KCNMB2: variants seen among roughly 807,000 people sequenced by gnomAD.
The protein encoded by KCNMB2 is calcium-activated potassium channel subunit beta-2.
A neutral mutation model predicts 24.5 loss-of-function variants in KCNMB2; 9 were observed. The ratio of observed to expected loss-of-function variants is 0.37; its 90% CI spans 0.22 to 0.64. The LOEUF (loss-of-function observed/expected upper bound fraction) is 0.64. Ranked by LOEUF, KCNMB2 falls within the 30% of genes least tolerant of loss-of-function variation. The pLI is 0.63. For missense variants in KCNMB2, 226 were observed against 284.3 expected, an observed-to-expected ratio of 0.79 and a Z score of 1.47; for synonymous variants, 109 against 104.4, an observed-to-expected ratio of 1.04 and a Z score of -0.27.
At chr3:178,642,086 A>G (rs1220734805) in intron 1 of KCNMB2, among the ~76,000 whole-genome samples, 1 of 152,176 alleles carries the variant, frequency 6.6e-6, no homozygotes. Flanking sequence ...ACAGCAGTTT[A>G]TTCTAAGTAT....
chr3:178,818,286 G>A (rs1344845294), intron 2 of KCNMB2, among the ~76,000 whole-genome samples: 3 of 152,134 alleles, frequency 2.0e-5, no homozygotes, highest in Non-Finnish European at 4.4e-5. Context: ...TTGTTCTTAA[G>A]TTCTGGGGTA....
intron 1 of KCNMB2, among the ~76,000 whole-genome samples, chr3:178,708,511 G>A (rs1169216022): frequency 1.3e-5 from 2 of 152,090 alleles, no homozygotes; most frequent in African/African-American, 4.8e-5. Context: ...AGCTATACAG[G>A]TAGTCTGATG....
intron 1 of KCNMB2, among the ~76,000 whole-genome samples, chr3:178,742,162 G>A (rs919015069): frequency 1.3e-5 from 2 of 152,212 alleles, no homozygotes; most frequent in Non-Finnish European, 2.9e-5. Flanking sequence ...ATTTCATGGA[G>A]TAGAGCCATT....
chr3:178,571,777 TG>T, intron 1 of KCNMB2, among the ~76,000 whole-genome samples: 1 of 152,044 alleles, frequency 6.6e-6, no homozygotes, highest in Non-Finnish European at 1.5e-5. Flanking sequence ...AATGAGAACA[TG>T]CGGTGTTTGG....
At chr3:178,672,179 A>C (rs1560159142) in intron 1 of KCNMB2, among the ~76,000 whole-genome samples, 1 of 152,164 alleles carries the variant, frequency 6.6e-6, no homozygotes, top group Non-Finnish European at 1.5e-5. Flanking sequence ...TCAGTATTTA[A>C]AATTTATAAA....
intron 1 of KCNMB2, among the ~76,000 whole-genome samples, chr3:178,786,280 C>T (rs995722195): frequency 2.0e-5 from 3 of 152,116 alleles, no homozygotes; most frequent in Non-Finnish European, 4.4e-5. Context: ...AGAATAGGTC[C>T]AGTGAACCAT....
intron 1 of KCNMB2, among the ~76,000 whole-genome samples, chr3:178,621,901 T>C (rs956678038): frequency 3.3e-5 from 5 of 152,168 alleles, no homozygotes; most frequent in African/African-American, 4.8e-5. Context: ...TAATTTGATG[T>C]AGTGATTATT....
chr3:178,729,873 G>A (rs553474365), intron 1 of KCNMB2, among the ~76,000 whole-genome samples: 189 of 152,214 alleles, frequency 1.2e-3, no homozygotes, highest in African/African-American at 4.3e-3. Context: ...TAAACAAATC[G>A]TCTAAGTTGA....
At chr3:178,661,911 C>A (rs960143867) in intron 1 of KCNMB2, among the ~76,000 whole-genome samples, 2 of 152,108 alleles carry the variant, frequency 1.3e-5, no homozygotes, top group Admixed American at 6.6e-5. Context: ...GTCCTCACAA[C>A]AGGATAAGGT....
chr3:178,821,394 C>G (rs946378280), intron 2 of KCNMB2, among the ~76,000 whole-genome samples: 1 of 152,070 alleles, frequency 6.6e-6, no homozygotes, highest in African/African-American at 2.4e-5. Flanking sequence ...CTGTGAACAC[C>G]CTCTTTCCCA....
At chr3:178,768,937 T>A (rs1712233934) in intron 1 of KCNMB2, among the ~76,000 whole-genome samples, 1 of 149,158 alleles carries the variant, frequency 6.7e-6, no homozygotes, top group Non-Finnish European at 1.5e-5. Flanking sequence ...GAATACCCCA[T>A]AATGTACCAA....
At chr3:178,538,783 T>G (rs931275525) in intron 1 of KCNMB2, among the ~76,000 whole-genome samples, 8 of 152,222 alleles carry the variant, frequency 5.3e-5, no homozygotes, top group Non-Finnish European at 1.2e-4. Context: ...GCTTGTTTTT[T>G]TTTCTTTATA....
At chr3:178,633,380 A>G (rs1388555721) in intron 1 of KCNMB2, among the ~76,000 whole-genome samples, 1 of 152,224 alleles carries the variant, frequency 6.6e-6, no homozygotes, top group Non-Finnish European at 1.5e-5. Context: ...AGGCATTCCT[A>G]TAAACCCTCT....
In KCNMB2 at chr3:178,663,104, C is replaced by T. The variant is rs1376321593; in HGVS notation, c.-68+126393C>T. ...GCTAGGACAGCAGAGCCTCTCTCTCCGTTGGTCCCTCATCTTCAAGGAGGC... is the reference window on the plus strand; with the variant it reads ...GCTAGGACAGCAGAGCCTCTCTCTCTGTTGGTCCCTCATCTTCAAGGAGGC... On this transcript the variant is annotated intron_variant, in intron 1 of 4. Transcript: ENST00000452583. 3.3e-5 allele frequency among the ~76,000 whole-genome samples: 5 copies of T among 152,242 alleles called. No individual in the cohort carries two copies. The East Asian group carries it at 5.8e-4, about 18-fold the overall frequency.
In KCNMB2 at chr3:178,663,044, G is replaced by T. The variant is rs979647640; in HGVS notation, c.-68+126333G>T. ...CTGAGATGGTTCATCTCTGCTCCAC[G>T]TGGTGTTGGCTAGGCTTACTTATTC... On this transcript the variant is annotated intron_variant, in intron 1 of 4. Transcript: ENST00000452583. 2.6e-5 allele frequency among the ~76,000 whole-genome samples: 4 copies of T among 152,236 alleles called. No individual in the cohort carries two copies. In the Middle Eastern group the frequency reaches 0.01, roughly 388 times the overall value.
Position 178,809,233 on chromosome 3 carries a change from T to C in KCNMB2, c.56+1768T>C, listed in dbSNP as rs144435635. Among the ~76,000 whole-genome samples the C allele has an allele frequency of 1.5e-3, 229 of 152,354 alleles. 2 individuals are homozygous for C. The highest frequency in any genetic ancestry group is 5.2e-3 in the African/African-American group (218 of 41,596). On this transcript the variant is annotated intron_variant, in intron 2 of 4. Coordinates refer to ENST00000452583, the MANE Select transcript of KCNMB2 (RefSeq NM_181361.3). ...AGAGTTTTGTTGCCCTACAGGAATA[T>C]TGTAACTGTCAACAGCCAGCTGTCC...
At chr3:178,550,024 A>G (rs1314206095) in intron 1 of KCNMB2, among the ~76,000 whole-genome samples, 1 of 152,180 alleles carries the variant, frequency 6.6e-6, no homozygotes, top group Non-Finnish European at 1.5e-5. Flanking sequence ...TCTTACCTTG[A>G]TAAGGTCAGT....
At chr3:178,693,112 T>A (rs1371089732) in intron 1 of KCNMB2, among the ~76,000 whole-genome samples, 1 of 152,224 alleles carries the variant, frequency 6.6e-6, no homozygotes, top group East Asian at 1.9e-4. Flanking sequence ...ATCCTGAGAC[T>A]TTGCTGAACT....
chr3:178,644,650 T>C (rs1022315436), intron 1 of KCNMB2, among the ~76,000 whole-genome samples: 8 of 152,242 alleles, frequency 5.3e-5, no homozygotes, highest in African/African-American at 1.9e-4. Flanking sequence ...CATCGTCAGC[T>C]TCTCCTCTTA....
Sources: gnomAD v4.1 joint callset for allele counts (sites outside exome capture counted in the v4.1 genomes callset) on GRCh38, gnomAD v4.1.1 for gene constraint, MANE v1.5 for transcripts, NCBI Gene and HGNC (gene_info 2026-07-23, HGNC 2026-07-21) for gene names.